Variants in SPPL2B observed in about 807,000 individuals in gnomAD.
The protein encoded by SPPL2B is signal peptide peptidase-like 2B.
Under a neutral mutation model 59.7 loss-of-function variants are expected in SPPL2B, and 39 were observed. That is an observed-to-expected ratio of 0.65 (90% CI 0.51 to 0.85). The LOEUF (loss-of-function observed/expected upper bound fraction) is 0.85. SPPL2B is among the 40% of genes least tolerant of loss of function. SPPL2B has a pLI of 0.00. For synonymous variants in SPPL2B, 419 were observed against 370.8 expected (o/e 1.13, Z -1.49); for missense variants, 865 against 849.0 (o/e 1.02, Z -0.23).
intron 7 of SPPL2B, chr19:2,340,569 G>A (rs1036407682): frequency 1.9e-4 from 103 of 550,836 alleles, no homozygotes; most frequent in Non-Finnish European, 3.3e-4. Context: ...AGGAAGCGGG[G>A]CTAGCCCAGG....
At chr19:2,333,601 C>A (rs530594373) in intron 1 of SPPL2B, among the ~76,000 whole-genome samples, 2 of 152,258 alleles carry the variant, frequency 1.3e-5, no homozygotes, top group Non-Finnish European at 2.9e-5. Flanking sequence ...GGCTTTGGGG[C>A]CTGGTCCTGC....
In SPPL2B at chr19:2,340,887, G is replaced by A. The variant is rs764423677; in HGVS notation, c.840-11G>A. ...TGGTGGGCTTGGCTCTGACTGCCCC[G>A]TGCCCCCCAGGATCCCCAACAACAG... On this transcript the variant is annotated splice_polypyrimidine_tract_variant and intron_variant, in intron 7 of 14. Transcript: ENST00000613503. The A allele has an allele frequency of 1.6e-5, 25 of 1,556,938 alleles. No homozygotes were observed. The highest frequency in any genetic ancestry group is 1.2e-4 in the South Asian group (10 of 86,622).
chr19:2,339,544 C>G lies in SPPL2B; in HGVS notation c.600-280C>G, dbSNP rs1968883677. ...CTGGGGAGGCCCCATGTCCAGGGCT[C>G]TTTATGCAGATCCAAGCTGCGGTTG... On this transcript the variant is annotated intron_variant, in intron 5 of 14. Coordinates refer to ENST00000613503, the MANE Select transcript of SPPL2B (RefSeq NM_152988.3). 7 of 586,842 alleles carry G rather than the reference C, an allele frequency of 1.2e-5. No individual in the cohort carries two copies. In the Admixed American group the frequency reaches 1.8e-4, roughly 15 times the overall value. 36.4% of individuals were successfully genotyped at this position (586,842 alleles called of 1,614,324 possible). A position where few individuals can be genotyped will look rare whatever the true frequency, so the allele number is the denominator to read the frequency against.
chr19:2,351,433 G>T lies in SPPL2B; in HGVS notation c.1355-1G>T, dbSNP rs1969916832. 1 of 1,601,324 alleles carries T rather than the reference G, an allele frequency of 6.2e-7. No homozygotes were observed. Among genetic ancestry groups the T allele is most frequent in the East Asian group, 2.2e-5 (1 of 44,684 alleles). On this transcript the variant is annotated splice_acceptor_variant, in intron 13 of 14. Transcript: ENST00000613503. LOFTEE classifies it high-confidence loss of function. ...AGGTGATGCCTCCTCTGTCCCCACA[G>T]CCTATGGCGTTGGCCTCCTTGTGAC...
At chr19:2,339,276 T>C (rs1968869455) in intron 5 of SPPL2B, 68 bp downstream of exon 5, 1 of 1,540,892 alleles carries the variant, frequency 6.5e-7, no homozygotes, top group African/African-American at 1.4e-5. Context: ...GGACGGCCAG[T>C]CTTCCAGAAC....
Position 2,353,082 on chromosome 19 carries a change from C to CA in SPPL2B, c.1656dup (p.Ser553IlefsTer21). ...TCCCCCTGGCCTGCTGAGCAGTCCC[C>CA]AAAATCACGCACGTCCGAGGAGATG... is the stretch of plus-strand genomic sequence containing the variant. On this transcript the variant is annotated frameshift_variant, in exon 15 of 15. Coordinates refer to ENST00000613503, the MANE Select transcript of SPPL2B (RefSeq NM_152988.3). LOFTEE classifies it low-confidence loss of function (END_TRUNC). 1.2e-6 allele frequency: 2 copies of CA among 1,611,794 alleles called. No individual in the cohort carries two copies. The highest frequency in any genetic ancestry group is 1.7e-6 in the Non-Finnish European group (2 of 1,179,548).
At chr19:2,351,043 A>G (rs1157552282) in intron 13 of SPPL2B, among the ~76,000 whole-genome samples, 3 of 152,208 alleles carry the variant, frequency 2.0e-5, no homozygotes, top group Non-Finnish European at 4.4e-5. Context: ...GGTCAGGCAC[A>G]TGTGTCACCT....
chr19:2,330,166 T>G (rs1208794331), intron 1 of SPPL2B: 3 of 151,300 alleles, frequency 2.0e-5, no homozygotes, highest in African/African-American at 4.9e-5. Flanking sequence ...TGGAGTGCAG[T>G]GGCATGATCT....
chr19:2,348,174 T>TCA (rs5826761), intron 13 of SPPL2B, among the ~76,000 whole-genome samples: 72,692 of 76,074 alleles, frequency 0.96, 34,761 homozygotes, highest in Middle Eastern at 0.98. Context: ...CCACACACAC[T>TCA]CGCGCTCTCA....
chr19:2,338,980 C>T (rs1856698176), intron 4 of SPPL2B, 89 bp from the exon 5 acceptor site: 17 of 1,500,918 alleles, frequency 1.1e-5, no homozygotes, highest in Non-Finnish European at 1.4e-5. Flanking sequence ...CCAGGGTCTC[C>T]AGCCCCAGCC....
chr19:2,339,622 A>AGG (rs1337135764), intron 5 of SPPL2B: 1 of 633,684 alleles, frequency 1.6e-6, no homozygotes, highest in East Asian at 2.8e-5. Flanking sequence ...AGCTCAACCC[A>AGG]GGGACGCGGG....
intron 1 of SPPL2B, among the ~76,000 whole-genome samples, chr19:2,329,912 C>T (rs1274235099): frequency 1.3e-5 from 2 of 152,142 alleles, no homozygotes; most frequent in African/African-American, 4.8e-5. Context: ...TGTCGGGCCC[C>T]CTCGGAAGCT....
intron 2 of SPPL2B, chr19:2,337,016 G>C (rs540218235): frequency 6.0e-6 from 1 of 167,326 alleles, no homozygotes; most frequent in African/African-American, 2.4e-5. Flanking sequence ...GTGCGTGTGC[G>C]TGTGTGTGTG....
chr19:2,341,392 G>T (rs1444062054), intron 8 of SPPL2B: 2 of 473,854 alleles, frequency 4.2e-6, no homozygotes, highest in Admixed American at 4.7e-5. Context: ...CAGGGTGTGG[G>T]CACCAGGGCA....
At chr19:2,335,380 C>G (rs113237888) in intron 2 of SPPL2B, among the ~76,000 whole-genome samples, 16 of 124,330 alleles carry the variant, frequency 1.3e-4, no homozygotes, top group East Asian at 7.0e-4. Flanking sequence ...CTCACTGCAT[C>G]CTTCAGGCCC....
rs753406417 is a variant in SPPL2B at position 2,352,981 on chromosome 19, A to C, written c.1551A>C (p.Pro517=). Residue 517 remains proline, a synonymous_variant, in exon 15 of 15, where the codon CCA becomes CCC. Transcript: ENST00000613503. The stretch of plus-strand genomic sequence containing the variant: ...CTCCATCTCCGTGGGCCCCAGCACC[A>C]GCCGACGGCCCGCAGCCTCCCAAAG... ...VLPPSPWAPA[P]ADGPQPPKDS... is the part of the protein sequence containing the mutation. 6.8e-6 allele frequency: 11 copies of C among 1,612,032 alleles called. No individual in the cohort carries two copies. The Admixed American group carries it at 8.3e-5, about 12-fold the overall frequency.
intron 13 of SPPL2B, among the ~76,000 whole-genome samples, chr19:2,350,508 C>G (rs541851462): frequency 1.4e-4 from 22 of 152,146 alleles, no homozygotes; most frequent in Non-Finnish European, 3.2e-4. Context: ...CATTCTCTCT[C>G]TCTCCACACA....
At chr19:2,347,506 C>T (rs1465139634) in intron 13 of SPPL2B, among the ~76,000 whole-genome samples, 1 of 13,666 alleles carries the variant, frequency 7.3e-5, no homozygotes, top group Non-Finnish European at 1.1e-4. Context: ...CTCTTATTCG[C>T]CTGATTCCGT....
intron 12 of SPPL2B, 133 bp downstream of exon 12, chr19:2,344,785 G>A: frequency 1.5e-6 from 1 of 677,214 alleles, no homozygotes; most frequent in Non-Finnish European, 2.6e-6. Flanking sequence ...AGTCGGGCAG[G>A]TTGGGGCCGT....
Sources: gnomAD v4.1 joint callset for allele counts (sites outside exome capture counted in the v4.1 genomes callset) on GRCh38, gnomAD v4.1.1 for gene constraint, MANE v1.5 for transcripts, NCBI Gene and HGNC (gene_info 2026-07-23, HGNC 2026-07-21) for gene names.